The following RPH3A variants were observed in gnomAD, a reference collection of about 807,000 sequenced individuals.
RPH3A encodes rabphilin-3A.
RPH3A carries 48 observed loss-of-function variants against 102.2 expected under a neutral mutation model. That is an observed-to-expected ratio of 0.47 (90% confidence interval 0.37 to 0.60). RPH3A has a LOEUF of 0.60. Among genes scored for constraint, RPH3A ranks in the 20% least tolerant of loss-of-function variants. The pLI is 0.00. For synonymous variants in RPH3A, 310 were observed against 324.3 expected (o/e 0.96, Z 0.47); for missense variants, 781 against 910.1 (o/e 0.86, Z 1.83).
intron 1 of RPH3A, among the ~76,000 whole-genome samples, chr12:112,711,891 G>A (rs1200329628): frequency 2.0e-5 from 3 of 152,088 alleles, no homozygotes; most frequent in Non-Finnish European, 4.4e-5. Context: ...GGAGTGCAAT[G>A]GTGCGATCTC....
chr12:112,843,657 C>T (rs1247843782), intron 4 of RPH3A, among the ~76,000 whole-genome samples: 1 of 152,132 alleles, frequency 6.6e-6, no homozygotes, highest in Non-Finnish European at 1.5e-5. Flanking sequence ...AGGAATGTGT[C>T]CTTGGAGGGT....
At chr12:112,775,240 T>C (rs1320888860) in intron 1 of RPH3A, among the ~76,000 whole-genome samples, 4 of 151,960 alleles carry the variant, frequency 2.6e-5, no homozygotes, top group Admixed American at 2.6e-4. Context: ...CAAAAAAAAG[T>C]TTGGAAAAAA....
rs112543663 is a variant in RPH3A, at chr12:112,664,636, GA to G, written c.-140+89318del. 6.7e-3 allele frequency among the ~76,000 whole-genome samples: 1,017 copies of G among 152,206 alleles called. 16 individuals are homozygous for G. Among genetic ancestry groups the G allele is most frequent in the African/African-American group, 0.023 (963 of 41,524 alleles). The stretch of plus-strand genomic sequence containing the variant: ...GTCTTCATTATAAGGGAAAGAGAGA[GA>G]GGGGCTGAAACCTAGGGTTGTGGAG... On this transcript the variant is annotated intron_variant, in intron 1 of 21. Transcript: ENST00000543106.
chr12:112,641,722 G>A (rs1289836893), intron 1 of RPH3A, among the ~76,000 whole-genome samples: 1 of 152,144 alleles, frequency 6.6e-6, no homozygotes, highest in Non-Finnish European at 1.5e-5. Context: ...TAATCTCAGA[G>A]AAGTGCTAGA....
In RPH3A at chr12:112,767,823, A is replaced by AAAT. The variant is rs2040900962; in HGVS notation, c.-139-24320_-139-24319insAAT. 2.0e-5 allele frequency among the ~76,000 whole-genome samples: 3 copies of AAAT among 152,300 alleles called. No homozygotes were observed. The South Asian group carries it at 6.2e-4, about 32-fold the overall frequency. The stretch of plus-strand genomic sequence containing the variant: ...ACGAATATGTGCTACATCACGATGA[A>AAAT]CCTTAAAAAAAATCATGCTAAGTGA... On this transcript the variant is annotated intron_variant, in intron 1 of 21. Coordinates refer to the RPH3A transcript ENST00000543106.
intron 1 of RPH3A, among the ~76,000 whole-genome samples, chr12:112,718,455 G>A (rs1046054663): frequency 2.6e-5 from 4 of 152,162 alleles, no homozygotes; most frequent in African/African-American, 9.7e-5. Context: ...CCAAATGGGG[G>A]ATGGGGGTGG....
chr12:112,839,378 AG>A (rs2042106583), intron 4 of RPH3A, among the ~76,000 whole-genome samples: 6 of 152,026 alleles, frequency 3.9e-5, no homozygotes, highest in Admixed American at 3.9e-4. Flanking sequence ...CTTAAAACTC[AG>A]TGACTTAGAA....
intron 1 of RPH3A, among the ~76,000 whole-genome samples, chr12:112,782,468 G>A (rs1197309874): frequency 1.3e-5 from 2 of 152,152 alleles, no homozygotes; most frequent in Non-Finnish European, 2.9e-5. Context: ...GTGACCTTTT[G>A]GTCTCTAAGC....
chr12:112,742,521 G>C (rs536125024), intron 1 of RPH3A, among the ~76,000 whole-genome samples: 56 of 152,298 alleles, frequency 3.7e-4, no homozygotes, highest in Non-Finnish European at 6.6e-4. Flanking sequence ...TGAGGTTCCA[G>C]CAGGAAACAG....
At chr12:112,660,774 G>A (rs1008344652) in intron 1 of RPH3A, among the ~76,000 whole-genome samples, 26 of 152,128 alleles carry the variant, frequency 1.7e-4, no homozygotes, top group Non-Finnish European at 2.9e-5. Flanking sequence ...TAAGCAACAC[G>A]CCCACAGCTA....
At chr12:112,719,066 C>T (rs1026107207) in intron 1 of RPH3A, among the ~76,000 whole-genome samples, 2 of 152,030 alleles carry the variant, frequency 1.3e-5, no homozygotes, top group Non-Finnish European at 2.9e-5. Context: ...TTTTTGTTGT[C>T]ACAAATGGAG....
intron 1 of RPH3A, among the ~76,000 whole-genome samples, chr12:112,621,480 G>A (rs1215785571): frequency 8.8e-5 from 13 of 147,532 alleles, no homozygotes; most frequent in Non-Finnish European, 1.8e-4. Context: ...ACTCCCACCC[G>A]AATATTGCGC....
intron 1 of RPH3A, among the ~76,000 whole-genome samples, chr12:112,645,778 A>G (rs2039925216): frequency 6.6e-6 from 1 of 152,184 alleles, no homozygotes; most frequent in African/African-American, 2.4e-5. Context: ...TCGTGGGTGC[A>G]GCAGCTGCTC....
chr12:112,705,864 C>G (rs1161033304), intron 1 of RPH3A, among the ~76,000 whole-genome samples: 1 of 152,016 alleles, frequency 6.6e-6, no homozygotes. Context: ...GTGACTGTGT[C>G]CATCCATTCA....
At chr12:112,818,307 T>TAAAAAAAAAAAA (rs745954372) in intron 2 of RPH3A, among the ~76,000 whole-genome samples, 2 of 43,796 alleles carry the variant, frequency 4.6e-5, no homozygotes, top group South Asian at 9.4e-4. Context: ...TCAAGAAGAA[T>TAAAAAAAAAAAA]AAAAAAAAAA....
chr12:112,785,648 T>TAAC (rs1280604390), intron 1 of RPH3A, among the ~76,000 whole-genome samples: 1 of 152,178 alleles, frequency 6.6e-6, no homozygotes, highest in African/African-American at 2.4e-5. Flanking sequence ...AATGTGATCC[T>TAAC]AACAACAACC....
At chr12:112,844,992 C>A (rs1318035197) in intron 4 of RPH3A, among the ~76,000 whole-genome samples, 1 of 152,202 alleles carries the variant, frequency 6.6e-6, no homozygotes, top group Non-Finnish European at 1.5e-5. Flanking sequence ...GTGGGCCTCT[C>A]CATGGGGCTG....
intron 2 of RPH3A, among the ~76,000 whole-genome samples, chr12:112,809,369 C>T (rs1012519665): frequency 3.5e-4 from 53 of 152,110 alleles, no homozygotes; most frequent in Admixed American, 3.3e-3. Flanking sequence ...AGAACCCTCA[C>T]TATACAAGCA....
intron 1 of RPH3A, among the ~76,000 whole-genome samples, chr12:112,752,222 C>A (rs1451617446): frequency 6.6e-6 from 1 of 152,156 alleles, no homozygotes; most frequent in Non-Finnish European, 1.5e-5. Context: ...AAATGCCCCT[C>A]AGTTTTCTAA....
Sources: allele counts gnomAD v4.1 joint callset (sites outside exome capture counted in the v4.1 genomes callset), GRCh38; gene constraint gnomAD v4.1.1; transcripts MANE v1.5; gene names NCBI Gene and HGNC (gene_info 2026-07-23, HGNC 2026-07-21).